The following CARMIL1 variants were observed in gnomAD, a reference collection of about 807,000 sequenced individuals.
The protein encoded by CARMIL1 is F-actin-uncapping protein LRRC16A.
CARMIL1 carries 90 observed loss-of-function variants against 177.1 expected under a neutral mutation model. That is an observed-to-expected ratio of 0.51 (90% confidence interval 0.43 to 0.61). The LOEUF is 0.61. CARMIL1 is among the 20% of genes least tolerant of loss of function. The probability of loss-of-function intolerance (pLI) is 0.00; values close to 1 mark genes in which losing one functional copy is unlikely to be tolerated. For missense variants in CARMIL1, 1,380 were observed against 1,667.0 expected (o/e 0.83, Z 3.00); for synonymous variants, 577 against 606.2 (o/e 0.95, Z 0.71).
chr6:25,419,313 G>C (rs1795632267), intron 2 of CARMIL1, among the ~76,000 whole-genome samples: 2 of 152,222 alleles, frequency 1.3e-5, no homozygotes, highest in African/African-American at 4.8e-5. Context: ...ATCAGGACTT[G>C]AGAAGCCTTG....
At chr6:25,572,702 CAAAAAAAAAAAAA>C (rs35085655) in intron 29 of CARMIL1, among the ~76,000 whole-genome samples, 1 of 53,170 alleles carries the variant, frequency 1.9e-5, no homozygotes, top group East Asian at 6.7e-4. Context: ...GACCTTGTCT[CAAAAAAAAAAAAA>C]AAAAAAAAAA....
intron 31 of CARMIL1, among the ~76,000 whole-genome samples, chr6:25,582,091 G>C (rs1341851344): frequency 6.6e-6 from 1 of 152,110 alleles, no homozygotes; most frequent in Admixed American, 6.5e-5. Context: ...TGTCTCTACT[G>C]TCTCTCTTCT....
intron 29 of CARMIL1, among the ~76,000 whole-genome samples, chr6:25,559,875 C>T (rs1810953802): frequency 6.6e-6 from 1 of 152,156 alleles, no homozygotes; most frequent in African/African-American, 2.4e-5. Flanking sequence ...TTCCATTTCT[C>T]TCTGGTCCAA....
At chr6:25,412,536 G>A (rs959722382) in intron 2 of CARMIL1, among the ~76,000 whole-genome samples, 4 of 152,176 alleles carry the variant, frequency 2.6e-5, no homozygotes, top group Admixed American at 6.5e-5. Flanking sequence ...AGCTGTGATC[G>A]CTCCACTGCA....
In CARMIL1 at chr6:25,619,848, T is replaced by C. The variant is rs1759604993; in HGVS notation, c.*265T>C. 1 of 225,340 alleles carries C rather than the reference T, an allele frequency of 4.4e-6. No individual in the cohort carries two copies. Among genetic ancestry groups the C allele is most frequent in the African/African-American group, 2.3e-5 (1 of 43,158 alleles). 14.0% of individuals were successfully genotyped at this position (225,340 alleles called of 1,614,324 possible). A position where few individuals can be genotyped will look rare whatever the true frequency, so the allele number is the denominator to read the frequency against. ...TTTGCATTTGATTTCTAAACATTCCTTCATATGCCTTTAATGAAAGCCAGC... is the reference window on the plus strand; with the variant it reads ...TTTGCATTTGATTTCTAAACATTCCCTCATATGCCTTTAATGAAAGCCAGC... On this transcript the variant is annotated 3_prime_UTR_variant, in exon 37 of 37. Transcript: ENST00000329474.
chr6:25,401,523 T>G (rs1418466757), intron 2 of CARMIL1, among the ~76,000 whole-genome samples: 1 of 152,228 alleles, frequency 6.6e-6, no homozygotes, highest in Non-Finnish European at 1.5e-5. Context: ...CTCAGTTTCC[T>G]CATTCTCAAA....
intron 24 of CARMIL1, among the ~76,000 whole-genome samples, chr6:25,529,355 C>T (rs1332880267): frequency 6.6e-6 from 1 of 152,092 alleles, no homozygotes; most frequent in Non-Finnish European, 1.5e-5. Context: ...TTAACACATG[C>T]TGAAGAGAAA....
Position 25,537,856 on chromosome 6 carries a change from T to A in CARMIL1, c.2069T>A (p.Met690Lys). The A allele has an allele frequency of 6.2e-7, 1 of 1,611,008 alleles. No homozygotes were observed. The highest frequency in any genetic ancestry group is 8.5e-7 in the Non-Finnish European group (1 of 1,178,834). The change falls in exon 25 of 37, where the codon ATG becomes AAG. Residue 690 changes from methionine to lysine, a missense_variant and splice_region_variant. Transcript: ENST00000329474. ...QGIVTSTTQQ[M>K]IDRICVKVQD... ...TTGCCTTTTTCTGGTTTGGAGCAGATGATTGACAGAATATGTGTGAAAGTA... is the reference window on the plus strand; with the variant it reads ...TTGCCTTTTTCTGGTTTGGAGCAGAAGATTGACAGAATATGTGTGAAAGTA...
chr6:25,373,626 A>G (rs1790663014), intron 2 of CARMIL1, among the ~76,000 whole-genome samples: 1 of 147,262 alleles, frequency 6.8e-6, no homozygotes, highest in Non-Finnish European at 1.5e-5. Context: ...CTTTATCACC[A>G]GGCTGAAGTG....
intron 31 of CARMIL1, among the ~76,000 whole-genome samples, chr6:25,581,931 G>C (rs1321236657): frequency 1.3e-5 from 2 of 152,170 alleles, no homozygotes; most frequent in East Asian, 3.8e-4. Context: ...CCCAGTGTGT[G>C]ACTCTTGACA....
intron 2 of CARMIL1, among the ~76,000 whole-genome samples, chr6:25,304,484 G>A (rs1015581303): frequency 6.6e-6 from 1 of 152,164 alleles, no homozygotes; most frequent in African/African-American, 2.4e-5. Flanking sequence ...CAGATCATCA[G>A]GCATTAGATT....
chr6:25,526,405 G>T (rs1477274763), intron 23 of CARMIL1, among the ~76,000 whole-genome samples: 1 of 125,992 alleles, frequency 7.9e-6, no homozygotes, highest in Non-Finnish European at 1.8e-5. Context: ...TAAAATTTGT[G>T]CTTTGTTAAT....
At chr6:25,594,590 C>A in intron 32 of CARMIL1, 63 bp downstream of exon 32, 2 of 925,986 alleles carry the variant, frequency 2.2e-6, no homozygotes, top group South Asian at 1.6e-5. Flanking sequence ...CTAACAGTTA[C>A]AATTAAACTT....
Position 25,577,184 on chromosome 6 carries a change from C to T in CARMIL1, c.2743-3740C>T. ...TTGCAAGATGGTTCAGCTAGCAAAA[C>T]AGGCGATGAATTTAAAATATCTCCA... On this transcript the variant is annotated intron_variant, in intron 29 of 36. Coordinates refer to ENST00000329474, the MANE Select transcript of CARMIL1 (RefSeq NM_017640.6). This position sits in a 1 kb window ranked among gnomAD's most constrained non-coding sequence, Gnocchi z 4.5. The T allele has an allele frequency of 4.4e-6, 4 of 917,694 alleles. No individual in the cohort carries two copies. The highest frequency in any genetic ancestry group is 5.2e-6 in the Non-Finnish European group (4 of 768,404). 56.8% of individuals were successfully genotyped at this position (917,694 alleles called of 1,614,324 possible).
intron 4 of CARMIL1, among the ~76,000 whole-genome samples, chr6:25,429,272 G>T (rs750105648): frequency 1.2e-4 from 18 of 152,178 alleles, no homozygotes; most frequent in Non-Finnish European, 2.2e-4. Flanking sequence ...AGCCTACTGT[G>T]TGTGCAAGCA....
At chr6:25,376,403 C>T (rs1252631991) in intron 2 of CARMIL1, among the ~76,000 whole-genome samples, 4 of 152,168 alleles carry the variant, frequency 2.6e-5, no homozygotes, top group Non-Finnish European at 4.4e-5. Context: ...TTCTAGTTCC[C>T]TCTAATTTGG....
intron 4 of CARMIL1, among the ~76,000 whole-genome samples, chr6:25,430,435 T>TC (rs1317049865): frequency 2.0e-5 from 3 of 151,700 alleles, no homozygotes; most frequent in African/African-American, 7.3e-5. Flanking sequence ...GAGAAGGTTT[T>TC]TTTTTTTTTT....
intron 2 of CARMIL1, among the ~76,000 whole-genome samples, chr6:25,333,381 C>G (rs934597458): frequency 6.6e-6 from 1 of 151,886 alleles, no homozygotes; most frequent in African/African-American, 2.4e-5. Flanking sequence ...TGGGCAACAT[C>G]ACAAGACCCC....
intron 2 of CARMIL1, among the ~76,000 whole-genome samples, chr6:25,340,783 T>TTTTTTTTTG (rs1281717537): frequency 3.2e-5 from 3 of 95,120 alleles, no homozygotes; most frequent in Non-Finnish European, 6.3e-5. Context: ...GAAGGTTTTT[T>TTTTTTTTTG]TTTTTTTTTT....
Sources: gnomAD v4.1 joint callset for allele counts (sites outside exome capture counted in the v4.1 genomes callset) on GRCh38, gnomAD v4.1.1 for gene constraint, Gnocchi (gnomAD v3.1) non-coding constraint, MANE v1.5 for transcripts, NCBI Gene and HGNC (gene_info 2026-07-23, HGNC 2026-07-21) for gene names.